PGAP6: variants seen among roughly 807,000 people sequenced by gnomAD.
PGAP6 encodes the protein post-GPI attachment to proteins 6, also known as post-GPI attachment to proteins factor 6.
A neutral mutation model predicts 68.4 loss-of-function variants in PGAP6; 62 were observed. The ratio of observed to expected loss-of-function variants is 0.91; its 90% CI spans 0.74 to 1.12. The LOEUF (loss-of-function observed/expected upper bound fraction) is 1.12, where lower values mean the gene tolerates loss of function less well. PGAP6 is among the 50% of genes most tolerant of loss of function. The pLI is 0.00. For synonymous variants in PGAP6, 575 were observed against 474.0 expected (o/e 1.21, Z -2.77); for missense variants, 1,188 against 1,068.5 (o/e 1.11, Z -1.56).
chr16:375,951 G>A (rs1345688107), intron 6 of PGAP6, among the ~76,000 whole-genome samples, 185 bp downstream of exon 6: 1 of 152,218 alleles, frequency 6.6e-6, no homozygotes, highest in Non-Finnish European at 1.5e-5. Flanking sequence ...CAGCCCCGGG[G>A]CCTGTTGACA....
upstream of PGAP6, among the ~76,000 whole-genome samples, chr16:385,310 A>ATTTTTTTT: frequency 8.9e-6 from 1 of 112,402 alleles, no homozygotes; most frequent in Non-Finnish European, 1.7e-5. Flanking sequence ...ATATACTCTG[A>ATTTTTTTT]TTTTTTTTTT....
upstream of PGAP6, among the ~76,000 whole-genome samples, chr16:385,527 G>A (rs1275464174): frequency 4.0e-5 from 6 of 150,104 alleles, no homozygotes; most frequent in Admixed American, 1.3e-4. Flanking sequence ...TAGCCAGGAT[G>A]GTCTCGATCT....
At position 374,888 on chromosome 16, in the gene PGAP6, A is replaced by C; in HGVS notation, c.1444T>G (p.Cys482Gly). Residue 482 changes from cysteine (C) to glycine (G), a missense_variant, in exon 9 of 13, where the codon TGT becomes GGT. Physicochemically the swap from Cys to Gly is radical, Grantham distance 159. Coordinates refer to ENST00000431232, the MANE Select transcript of PGAP6 (RefSeq NM_021259.3). ...QLMCPENAED[C>G]EQAVVHVETT... The stretch of plus-strand genomic sequence containing the variant: ...TCCACGTGGACCACAGCCTGCTCAC[A>C]GTCCCTTTGAGGAAGGGGCCACAGG... The C allele has an allele frequency of 6.2e-7, 1 of 1,612,766 alleles. No individual in the cohort carries two copies. Among genetic ancestry groups the C allele is most frequent in the Non-Finnish European group, 8.5e-7 (1 of 1,179,894 alleles).
upstream of PGAP6, chr16:381,997 C>G: frequency 1.1e-6 from 1 of 947,528 alleles, no homozygotes; most frequent in Non-Finnish European, 1.3e-6. Context: ...CAGGCCCCGC[C>G]CCGCAGGCCG....
In PGAP6 at chr16:377,405, G is replaced by C; in HGVS notation, c.480C>G (p.Pro160=). 3 of 1,605,084 alleles carry C rather than the reference G, an allele frequency of 1.9e-6. No homozygotes were observed. The highest frequency in any genetic ancestry group is 2.6e-6 in the Non-Finnish European group (3 of 1,175,812). The change falls in exon 3 of 13, where the codon CCC becomes CCG. Residue 160 remains proline (P), a synonymous_variant. Coordinates refer to ENST00000431232, the MANE Select transcript of PGAP6 (RefSeq NM_021259.3). ...PGDWFVAAHL[P]PSSQKIELKG... is the part of the protein sequence containing the mutation. ...TCAACTCGATCTTCTGGGATGAGGG[G>C]GGCAGGTGGGCGGCCACGAACCAGT...
Position 373,988 on chromosome 16 carries a change from C to G in PGAP6, c.1902+17G>C. ...CTGCTCCCCCGGAGCCCACACCCCACGTCGAGGGCCACTCACGTATTTCAG... is the reference window on the plus strand; with the variant it reads ...CTGCTCCCCCGGAGCCCACACCCCAGGTCGAGGGCCACTCACGTATTTCAG... On this transcript the variant is annotated intron_variant, in intron 11 of 12. Coordinates refer to ENST00000431232, the MANE Select transcript of PGAP6 (RefSeq NM_021259.3). 6.3e-7 allele frequency: 1 copy of G among 1,592,832 alleles called. No homozygotes were observed. Among genetic ancestry groups the G allele is most frequent in the Non-Finnish European group, 8.5e-7 (1 of 1,170,074 alleles).
chr16:373,317 C>T (rs1404212470), intron 11 of PGAP6, among the ~76,000 whole-genome samples: 1 of 152,250 alleles, frequency 6.6e-6, no homozygotes, highest in Admixed American at 6.5e-5. Context: ...ATGCAGCTCA[C>T]AAGCCCAGGG....
intron 1 of PGAP6, among the ~76,000 whole-genome samples, chr16:379,634 T>C (rs942583357): frequency 6.6e-6 from 1 of 152,164 alleles, no homozygotes; most frequent in African/African-American, 2.4e-5. Context: ...GGCAAAGCCC[T>C]CAGCCCCTCT....
At position 371,640 on chromosome 16, in the gene PGAP6, A is replaced by G. The variant is rs2054333929; in HGVS notation, c.*347T>C. ...CAGCCTCGCCAGGGAACAGGACCAT[A>G]GGGAGTCCTTCTCCCCATCTCTAGC... On this transcript the variant is annotated 3_prime_UTR_variant, in exon 13 of 13. Transcript: ENST00000431232. The G allele has an allele frequency of 3.5e-6, 1 of 289,784 alleles. No homozygotes were observed. The highest frequency in any genetic ancestry group is 3.4e-5 in the South Asian group (1 of 29,226). The allele number at this position is 289,784 out of a possible 1,614,324, so 18.0% of individuals were successfully genotyped here.
At chr16:377,955 C>A (rs1263999758) in intron 1 of PGAP6, 107 bp from the exon 2 acceptor site, 5 of 1,000,550 alleles carry the variant, frequency 5.0e-6, no homozygotes, top group African/African-American at 4.9e-5. Flanking sequence ...CGGGGACCCA[C>A]CTGGAGATCT....
intron 3 of PGAP6, 69 bp downstream of exon 3, chr16:377,309 G>C: frequency 6.4e-7 from 1 of 1,554,034 alleles, no homozygotes; most frequent in Non-Finnish European, 8.7e-7. Context: ...ACCCCAAAGA[G>C]GTGAACGGCA....
chr16:384,890 C>G (rs191286905), upstream of PGAP6, among the ~76,000 whole-genome samples: 1 of 150,530 alleles, frequency 6.6e-6, no homozygotes, highest in Non-Finnish European at 1.5e-5. Flanking sequence ...AGGCCGTACG[C>G]GGTGGCTAAT....
chr16:374,902 A>T lies in PGAP6; in HGVS notation c.1440-10T>A. 1 of 1,612,568 alleles carries T rather than the reference A, an allele frequency of 6.2e-7. No homozygotes were observed. The highest frequency in any genetic ancestry group is 1.1e-5 in the South Asian group (1 of 91,054). On this transcript the variant is annotated splice_polypyrimidine_tract_variant and intron_variant, in intron 8 of 12. Transcript: ENST00000431232. ...AGCCTGCTCACAGTCCCTTTGAGGA[A>T]GGGGCCACAGGAAAGCTGGTGCAGT... is the stretch of plus-strand genomic sequence containing the variant.
upstream of PGAP6, among the ~76,000 whole-genome samples, chr16:386,153 A>G (rs2054483673): frequency 6.6e-6 from 1 of 152,178 alleles, no homozygotes; most frequent in East Asian, 1.9e-4. Flanking sequence ...GTGTGGGAGC[A>G]GCTTTCCACA....
At chr16:385,780 A>G (rs533178855), upstream of PGAP6, among the ~76,000 whole-genome samples, 214 of 150,452 alleles carry the variant, frequency 1.4e-3, 1 homozygote, top group African/African-American at 5.1e-3. Flanking sequence ...GCCTGCCAAC[A>G]CACCCGGCTA....
rs2054339548 is a variant in PGAP6 at position 372,159 on chromosome 16, C to T, written c.2144G>A (p.Ser715Asn). Residue 715 changes from serine (S) to asparagine (N), a missense_variant, in exon 13 of 13, where the codon AGC (serine) becomes AAC (asparagine). Transcript: ENST00000431232. ...GIAIYTSMMTSDNYYYTHSIW... is the reference protein window; with the variant it reads ...GIAIYTSMMTNDNYYYTHSIW... The stretch of plus-strand genomic sequence containing the variant: ...GCTGTGGGTGTAGTAGTAGTTGTCG[C>T]TAGTCATCATGGAGGTGTAGATGGC... 6.2e-7 allele frequency: 1 copy of T among 1,612,926 alleles called. No homozygotes were observed.
At position 374,441 on chromosome 16, in the gene PGAP6, T is replaced by A. The variant is rs910409083; in HGVS notation, c.1577-42A>T. 3.3e-6 allele frequency: 5 copies of A among 1,512,840 alleles called. No homozygotes were observed. The African/African-American group carries it at 5.5e-5, about 17-fold the overall frequency. The allele number at this position is 1,512,840 out of a possible 1,614,324, so 93.7% of individuals were successfully genotyped here. On this transcript the variant is annotated intron_variant, in intron 9 of 12. Transcript: ENST00000431232. ...CCGACGCGGAGGCTGGGGGCACTGC[T>A]GAACCTCAGGGCCCACCCCTCACCC...
chr16:385,152 G>A (rs1369071494), upstream of PGAP6, among the ~76,000 whole-genome samples: 4 of 149,092 alleles, frequency 2.7e-5, no homozygotes, highest in Non-Finnish European at 5.9e-5. Flanking sequence ...GGCAACCAGA[G>A]CAAGTCTCCA....
At chr16:381,539 GAAGCGCCCCA>G (rs1234295644) in intron 1 of PGAP6, among the ~76,000 whole-genome samples, 152 bp downstream of exon 1, 6 of 152,022 alleles carry the variant, frequency 3.9e-5, no homozygotes, top group Admixed American at 3.3e-4. Flanking sequence ...CCTAGGACAC[GAAGCGCCCCA>G]AAGGGCCACT....
Sources: gnomAD v4.1 joint callset for allele counts (sites outside exome capture counted in the v4.1 genomes callset) on GRCh38, gnomAD v4.1.1 for gene constraint, MANE v1.5 for transcripts, NCBI Gene and HGNC (gene_info 2026-07-23, HGNC 2026-07-21) for gene names.